PKIA: variants seen among roughly 807,000 people sequenced by gnomAD.
PKIA encodes the protein PKI-alpha.
A neutral mutation model predicts 7.6 loss-of-function variants in PKIA; 4 were observed. The observed-to-expected ratio is 0.52, with a 90% CI of 0.26 to 1.20. The LOEUF is 1.20. Among genes scored for constraint, PKIA ranks in the 50% most tolerant of loss-of-function variants. PKIA has a pLI of 0.13. For synonymous variants in PKIA, 21 were observed against 30.7 expected, an observed-to-expected ratio of 0.68 and a Z score of 1.04; for missense variants, 73 against 86.2, an observed-to-expected ratio of 0.85 and a Z score of 0.61.
chr8:78,547,378 C>T (rs1033805884), intron 1 of PKIA, among the ~76,000 whole-genome samples: 2 of 152,172 alleles, frequency 1.3e-5, no homozygotes, highest in African/African-American at 4.8e-5. Flanking sequence ...GCTGGGATTA[C>T]AGGCGTGAGC....
At chr8:78,577,255 A>C (rs1228490938) in intron 2 of PKIA, among the ~76,000 whole-genome samples, 1 of 151,820 alleles carries the variant, frequency 6.6e-6, no homozygotes, top group Admixed American at 6.6e-5. Context: ...TCACTCCCCT[A>C]ACCATATGTT....
At chr8:78,533,503 T>C (rs1806443554) in intron 1 of PKIA, among the ~76,000 whole-genome samples, 2 of 152,138 alleles carry the variant, frequency 1.3e-5, no homozygotes, top group African/African-American at 4.8e-5. Context: ...AACAGAATGG[T>C]ATACAATCTA....
At chr8:78,585,234 T>TATA (rs1159204145) in intron 2 of PKIA, among the ~76,000 whole-genome samples, 1 of 152,026 alleles carries the variant, frequency 6.6e-6, no homozygotes, top group Non-Finnish European at 1.5e-5. Flanking sequence ...ATATTTTATA[T>TATA]ATATGGGTAT....
At chr8:78,591,752 G>A (rs555535078) in intron 2 of PKIA, among the ~76,000 whole-genome samples, 1 of 152,118 alleles carries the variant, frequency 6.6e-6, no homozygotes, top group South Asian at 2.1e-4. Context: ...TACCTTGTCT[G>A]TATTCAATAC....
At chr8:78,598,672 A>G in intron 3 of PKIA, 137 bp downstream of exon 3, 1 of 655,758 alleles carries the variant, frequency 1.5e-6, no homozygotes, top group Non-Finnish European at 2.6e-6. Flanking sequence ...GCAAGATGAA[A>G]GTCTGAGACT....
chr8:78,538,104 C>T (rs185576784), intron 1 of PKIA, among the ~76,000 whole-genome samples: 1 of 152,124 alleles, frequency 6.6e-6, no homozygotes, highest in East Asian at 1.9e-4. Flanking sequence ...CGTCCCTGTG[C>T]TGACATATAA....
intron 1 of PKIA, among the ~76,000 whole-genome samples, chr8:78,540,952 C>G (rs1766455959): frequency 6.6e-6 from 1 of 151,838 alleles, no homozygotes; most frequent in South Asian, 2.1e-4. Flanking sequence ...TGGATAATTC[C>G]AAACTAAATT....
At chr8:78,561,752 A>C (rs1486187969) in intron 1 of PKIA, among the ~76,000 whole-genome samples, 1 of 152,182 alleles carries the variant, frequency 6.6e-6, no homozygotes, top group African/African-American at 2.4e-5. Context: ...TTTGAAAAGC[A>C]TCTGTTTTCT....
At chr8:78,586,570 C>G (rs1807954414) in intron 2 of PKIA, among the ~76,000 whole-genome samples, 1 of 151,972 alleles carries the variant, frequency 6.6e-6, no homozygotes, top group Non-Finnish European at 1.5e-5. Flanking sequence ...AGAACAAATA[C>G]AGAAATCAAG....
Position 78,601,741 on chromosome 8 carries a change from G to A in PKIA, c.152-1G>A, listed in dbSNP as rs756532119. 4 of 1,609,938 alleles carry A rather than the reference G, an allele frequency of 2.5e-6. No individual in the cohort carries two copies. In the African/African-American group the frequency reaches 5.4e-5, roughly 22 times the overall value. On this transcript the variant is annotated splice_acceptor_variant, in intron 3 of 3. Transcript: ENST00000396418. LOFTEE classifies it high-confidence loss of function. ...ATTCTGTTTTCGTTTTTCTTTTGCA[G>A]AAGGTGAAGAAGATGCACAACGAAG... is the stretch of plus-strand genomic sequence containing the variant.
At chr8:78,594,996 G>T (rs763244157) in intron 2 of PKIA, among the ~76,000 whole-genome samples, 1 of 152,144 alleles carries the variant, frequency 6.6e-6, no homozygotes, top group Admixed American at 6.5e-5. Flanking sequence ...AACTAGAGGT[G>T]AACAGAAGAA....
At chr8:78,595,543 AAGCATAGT>A (rs1808208345) in intron 2 of PKIA, among the ~76,000 whole-genome samples, 1 of 152,186 alleles carries the variant, frequency 6.6e-6, no homozygotes, top group South Asian at 2.1e-4. Flanking sequence ...CCCAGGTAAT[AAGCATAGT>A]ACCCTATAGT....
chr8:78,539,163 G>T (rs909669220), intron 1 of PKIA, among the ~76,000 whole-genome samples: 1 of 152,022 alleles, frequency 6.6e-6, no homozygotes, highest in Non-Finnish European at 1.5e-5. Flanking sequence ...ATGGGCAAAA[G>T]AAATAATTTT....
chr8:78,604,273 T>C lies in PKIA; in HGVS notation c.*2452T>C, dbSNP rs1390126589. 1 of 151,986 alleles carries C rather than the reference T, an allele frequency of 6.6e-6. No homozygotes were observed. Among genetic ancestry groups the C allele is most frequent in the Non-Finnish European group, 1.5e-5 (1 of 67,944 alleles). 9.4% of individuals were successfully genotyped at this position (151,986 alleles called of 1,614,324 possible). A position where few individuals can be genotyped will look rare whatever the true frequency, so the allele number is the denominator to read the frequency against. ...CCATTTGATCCTCAAACAATTCTAT[T>C]AGAGTGGTATTTTTATCCAATTTCA... On this transcript the variant is annotated 3_prime_UTR_variant, in exon 4 of 4. Coordinates refer to ENST00000396418, the MANE Select transcript of PKIA (RefSeq NM_006823.4).
intron 1 of PKIA, chr8:78,556,360 T>A (rs1359837004): frequency 1.3e-5 from 2 of 152,144 alleles, no homozygotes; most frequent in African/African-American, 4.8e-5. Flanking sequence ...TAGTAGTTAT[T>A]GATCATTTTA....
At chr8:78,587,975 A>G (rs959277034) in intron 2 of PKIA, among the ~76,000 whole-genome samples, 3 of 152,234 alleles carry the variant, frequency 2.0e-5, no homozygotes, top group Non-Finnish European at 4.4e-5. Context: ...AACAATCTAC[A>G]TAATACATTT....
intron 1 of PKIA, among the ~76,000 whole-genome samples, chr8:78,567,687 CCTT>C (rs1338547141): frequency 6.6e-6 from 1 of 152,150 alleles, no homozygotes; most frequent in Non-Finnish European, 1.5e-5. Flanking sequence ...TTATACTCCG[CCTT>C]CTTTGGTTTG....
At chr8:78,594,124 T>TG (rs1585929218) in intron 2 of PKIA, among the ~76,000 whole-genome samples, 1 of 152,206 alleles carries the variant, frequency 6.6e-6, no homozygotes, top group East Asian at 1.9e-4. Context: ...TTAAGTGCCC[T>TG]GTAGGGTACA....
chr8:78,602,013 A>G lies in PKIA; in HGVS notation c.*192A>G. The G allele has an allele frequency of 1.7e-6, 1 of 577,988 alleles. No individual in the cohort carries two copies. The highest frequency in any genetic ancestry group is 3.1e-6 in the Non-Finnish European group (1 of 325,396). 35.8% of individuals were successfully genotyped at this position (577,988 alleles called of 1,614,324 possible). On this transcript the variant is annotated 3_prime_UTR_variant, in exon 4 of 4. Transcript: ENST00000396418. The stretch of plus-strand genomic sequence containing the variant: ...AGGCAGACTTTTCCCTACCTCTGTC[A>G]TTAGCAATGGTTGAAATCATGTGGC...
Sources: allele counts gnomAD v4.1 joint callset (sites outside exome capture counted in the v4.1 genomes callset), GRCh38; gene constraint gnomAD v4.1.1; transcripts MANE v1.5; gene names NCBI Gene and HGNC (gene_info 2026-07-23, HGNC 2026-07-21).